The following SLC6A14 variants were observed in gnomAD, a reference collection of about 807,000 sequenced individuals.
SLC6A14 encodes solute carrier family 6 member 14, also known as sodium- and chloride-dependent neutral and basic amino acid transporter B(0+).
Under a neutral mutation model 51.4 loss-of-function variants are expected in SLC6A14, and 21 were observed. That is an observed-to-expected ratio of 0.41 (90% CI 0.29 to 0.59). The LOEUF (loss-of-function observed/expected upper bound fraction) is 0.59. SLC6A14 is among the 20% of genes least tolerant of loss of function. The pLI is 0.31. For missense variants in SLC6A14, 371 were observed against 472.8 expected, an observed-to-expected ratio of 0.78 and a Z score of 2.00; for synonymous variants, 177 against 160.7, an observed-to-expected ratio of 1.10 and a Z score of -0.77.
chrX:116,454,312 C>T lies in SLC6A14; in HGVS notation c.1286-12C>T, dbSNP rs1348988301. The stretch of plus-strand genomic sequence containing the variant: ...AGTTGACATATAACATGTCATTTCT[C>T]CCCCTCTGAAGAAACGATCACAACA... On this transcript the variant is annotated splice_polypyrimidine_tract_variant and intron_variant, in intron 9 of 13. Transcript: ENST00000598581. 2.9e-6 allele frequency: 3 copies of T among 1,036,689 alleles called. No homozygotes were observed. Among genetic ancestry groups the T allele is most frequent in the Non-Finnish European group, 4.1e-6 (3 of 739,778 alleles). 85.4% of individuals were successfully genotyped at this position (1,036,689 alleles called of 1,213,427 possible).
chrX:116,455,257 G>A, intron 11 of SLC6A14, 100 bp from the exon 12 acceptor site: 2 of 715,387 alleles, frequency 2.8e-6, no homozygotes, highest in Non-Finnish European at 4.3e-6. Flanking sequence ...TCATTGTTGT[G>A]GTAGAGAAAA....
chrX:116,437,678 T>C (rs1224390643), intron 1 of SLC6A14, 112 bp from the exon 2 acceptor site: 1 of 725,816 alleles, frequency 1.4e-6, no homozygotes, highest in Non-Finnish European at 2.0e-6. Flanking sequence ...TCAGCTATGG[T>C]TTTCAGGGTT....
chrX:116,447,553 G>A (rs1602512815), intron 7 of SLC6A14, among the ~76,000 whole-genome samples: 1 of 108,721 alleles, frequency 9.2e-6, no homozygotes, highest in Non-Finnish European at 1.9e-5. Flanking sequence ...ACTACAGATA[G>A]TATGCTTCTA....
intron 4 of SLC6A14, among the ~76,000 whole-genome samples, chrX:116,443,326 A>T (rs1288655265): frequency 5.4e-5 from 6 of 111,713 alleles, no homozygotes; most frequent in African/African-American, 2.0e-4. Context: ...CATAGGTTGG[A>T]TAGGTAAATC....
chrX:116,449,410 C>G (rs1927778308), intron 7 of SLC6A14, among the ~76,000 whole-genome samples: 1 of 111,482 alleles, frequency 9.0e-6, no homozygotes, highest in South Asian at 3.7e-4. Flanking sequence ...CACACAGGCA[C>G]ATGTAATGTA....
Position 116,461,430 on chromosome X carries a change from T to A in SLC6A14, c.*2475T>A, listed in dbSNP as rs1361370249. Reference sequence around the variant, plus strand: ...CCATTAATGAAAACTTTTTCACAGTTGAGTGAAATTAAAATCACTATATCT... The same window carrying A: ...CCATTAATGAAAACTTTTTCACAGTAGAGTGAAATTAAAATCACTATATCT... On this transcript the variant is annotated 3_prime_UTR_variant, in exon 14 of 14. Transcript: ENST00000598581. 2 of 205,543 alleles carry A rather than the reference T, an allele frequency of 9.7e-6. No homozygotes were observed. The highest frequency in any genetic ancestry group is 1.7e-5 in the Non-Finnish European group (2 of 114,408). The allele number at this position is 205,543 out of a possible 1,213,427, so 16.9% of individuals were successfully genotyped here.
Position 116,458,976 on chromosome X carries a change from A to G in SLC6A14, c.*21A>G, listed in dbSNP as rs781972011. On this transcript the variant is annotated 3_prime_UTR_variant, in exon 14 of 14. Transcript: ENST00000598581. ...AATGAGATCTCATTGAAAAAAATAT[A>G]TGATTGTATAATGTGATTTTTTTTA... 8.6e-7 allele frequency: 1 copy of G among 1,159,026 alleles called. No homozygotes were observed. The highest frequency in any genetic ancestry group is 2.0e-5 in the South Asian group (1 of 50,273).
chrX:116,457,879 T>TC, intron 13 of SLC6A14, 103 bp downstream of exon 13: 12 of 610,639 alleles, frequency 2.0e-5, no homozygotes, highest in Non-Finnish European at 3.1e-5. Flanking sequence ...TGAAATACAA[T>TC]TAATTACTCC....
At chrX:116,449,287 A>G (rs1489474330) in intron 7 of SLC6A14, among the ~76,000 whole-genome samples, 2 of 111,767 alleles carry the variant, frequency 1.8e-5, no homozygotes, top group African/African-American at 3.3e-5. Context: ...GGAGATTAAA[A>G]CTATGTTTGG....
At position 116,442,671 on chromosome X, in the gene SLC6A14, G is replaced by T; in HGVS notation, c.347-16G>T. The stretch of plus-strand genomic sequence containing the variant: ...CTTGAGTTTGGTTTTTATTTTAATT[G>T]TTCTTTTTTTTCCAGGTGTGGGAAT... On this transcript the variant is annotated splice_polypyrimidine_tract_variant and intron_variant, in intron 3 of 13. Coordinates refer to ENST00000598581, the MANE Select transcript of SLC6A14 (RefSeq NM_007231.5). 3.7e-6 allele frequency: 4 copies of T among 1,088,185 alleles called. No individual in the cohort carries two copies. The highest frequency in any genetic ancestry group is 3.6e-5 in the Admixed American group (1 of 28,094). 89.7% of individuals were successfully genotyped at this position (1,088,185 alleles called of 1,213,427 possible). A position where few individuals can be genotyped will look rare whatever the true frequency, so the allele number is the denominator to read the frequency against.
chrX:116,443,417 C>T (rs964984842), intron 4 of SLC6A14, among the ~76,000 whole-genome samples: 6 of 111,426 alleles, frequency 5.4e-5, no homozygotes, highest in Non-Finnish European at 1.1e-4. Context: ...TAAATACAAT[C>T]ACAGCTTAAA....
rs1484517058 is a variant in SLC6A14, at chrX:116,452,873, G to A, written c.1160-144G>A. On this transcript the variant is annotated intron_variant, in intron 8 of 13. Transcript: ENST00000598581. Reference sequence around the variant, plus strand: ...AACCAAATTCAATATTGTAAAAAGGGAATGTGAAATAGTTGGTAAAAAAAT... The same window carrying A: ...AACCAAATTCAATATTGTAAAAAGGAAATGTGAAATAGTTGGTAAAAAAAT... 7.6e-6 allele frequency: 3 copies of A among 393,968 alleles called. No individual in the cohort carries two copies. The African/African-American group carries it at 7.9e-5, about 10-fold the overall frequency. 32.5% of individuals were successfully genotyped at this position (393,968 alleles called of 1,213,427 possible).
chrX:116,436,741 A>G lies in SLC6A14; in HGVS notation c.32A>G (p.Lys11Arg). The G allele has an allele frequency of 8.6e-7, 1 of 1,165,619 alleles. No homozygotes were observed. The highest frequency in any genetic ancestry group is 1.1e-6 in the Non-Finnish European group (1 of 871,878). Residue 11 changes from lysine to arginine, a missense_variant, in exon 1 of 14, where the codon AAG (lysine) becomes AGG (arginine). Around this residue, in one of 2 missense-constraint regions of SLC6A14, gnomAD observed 277 missense variants for 391.8 expected, o/e 0.71. Coordinates refer to ENST00000598581, the MANE Select transcript of SLC6A14 (RefSeq NM_007231.5). ...AAGTTGAAATGCCCGAGTTTCTTCA[A>G]GTGCAGGGAGAAGGAGGTAGGGGTC... MDKLKCPSFF[K>R]CREKEKVSAS...
chrX:116,446,643 TTTAA>T (rs1556694052), intron 6 of SLC6A14, 94 bp from the exon 7 acceptor site: 9 of 652,603 alleles, frequency 1.4e-5, no homozygotes, highest in Non-Finnish European at 1.7e-5. Context: ...CTGTACTTTA[TTTAA>T]TTAATCTCAA....
intron 13 of SLC6A14, 74 bp downstream of exon 13, chrX:116,457,850 G>A: frequency 1.3e-6 from 1 of 756,911 alleles, no homozygotes; most frequent in Non-Finnish European, 2.0e-6. Context: ...TACTCACATG[G>A]TAGTAATATG....
chrX:116,446,033 C>T (rs1191595334), intron 6 of SLC6A14, among the ~76,000 whole-genome samples: 3 of 104,566 alleles, frequency 2.9e-5, no homozygotes, highest in African/African-American at 1.0e-4. Context: ...GCCATTTACC[C>T]AGGCGATTAA....
At chrX:116,447,677 A>G (rs1190682116) in intron 7 of SLC6A14, among the ~76,000 whole-genome samples, 1 of 108,857 alleles carries the variant, frequency 9.2e-6, no homozygotes, top group Non-Finnish European at 1.9e-5. Context: ...TGCTCACTGC[A>G]AACTGCCTCC....
chrX:116,455,204 CACA>C (rs782512158), intron 11 of SLC6A14, 128 bp downstream of exon 11: 5 of 596,976 alleles, frequency 8.4e-6, no homozygotes, highest in Non-Finnish European at 1.3e-5. Flanking sequence ...CAATATACTG[CACA>C]ACATTATGTT....
At position 116,437,860 on chromosome X, in the gene SLC6A14, C is replaced by T; in HGVS notation, c.119C>T (p.Ser40Phe). 8.3e-7 allele frequency: 1 copy of T among 1,204,970 alleles called. No homozygotes were observed. Among genetic ancestry groups the T allele is most frequent in the Non-Finnish European group, 1.1e-6 (1 of 891,566 alleles). The part of the protein sequence containing the change: ...NDENQDRGNW[S>F]KKSDYLLSMI... ...GAGAATCAGGACCGTGGTAACTGGTCCAAAAAATCGGATTATCTTCTATCT... is the reference window on the plus strand; with the variant it reads ...GAGAATCAGGACCGTGGTAACTGGTTCAAAAAATCGGATTATCTTCTATCT... Residue 40 changes from serine to phenylalanine, a missense_variant, in exon 2 of 14, where the codon TCC becomes TTC. By Grantham distance (155) the Ser-to-Phe change is radical. Transcript: ENST00000598581.
Sources: gnomAD v4.1 joint callset for allele counts (sites outside exome capture counted in the v4.1 genomes callset) on GRCh38, gnomAD v4.1.1 for gene constraint, gnomAD v4.1.1 regional missense constraint, MANE v1.5 for transcripts, NCBI Gene and HGNC (gene_info 2026-07-23, HGNC 2026-07-21) for gene names.